Variants in PTPRB observed in about 807,000 individuals in gnomAD.
PTPRB encodes the protein receptor-type tyrosine-protein phosphatase beta.
In PTPRB, 97 loss-of-function variants were observed where a neutral mutation model predicts 238.1. That is an observed-to-expected ratio of 0.41 (90% CI 0.35 to 0.48). The LOEUF (loss-of-function observed/expected upper bound fraction) is 0.48, where lower values mean the gene tolerates loss of function less well. PTPRB is among the 20% of genes least tolerant of loss of function. The probability of loss-of-function intolerance (pLI) is 0.30; values close to 1 mark genes in which losing one functional copy is unlikely to be tolerated. For missense variants in PTPRB, 2,292 were observed against 2,681.9 expected (o/e 0.85, Z 3.21); for synonymous variants, 970 against 995.4 (o/e 0.97, Z 0.48).
chr12:70,546,666 TAAGG>T (rs1290076606), intron 21 of PTPRB, among the ~76,000 whole-genome samples: 3 of 152,208 alleles, frequency 2.0e-5, no homozygotes, highest in Admixed American at 6.5e-5. Flanking sequence ...GCTGAATTTA[TAAGG>T]AAGGAGGAGT....
chr12:70,580,464 C>A (rs1019866153), intron 10 of PTPRB, among the ~76,000 whole-genome samples: 2 of 152,150 alleles, frequency 1.3e-5, no homozygotes, highest in African/African-American at 4.8e-5. Context: ...CAAAGGAAAT[C>A]AACTGAATAG....
At chr12:70,613,483 C>T (rs1439474483) in intron 3 of PTPRB, among the ~76,000 whole-genome samples, 3 of 152,022 alleles carry the variant, frequency 2.0e-5, no homozygotes, top group African/African-American at 7.2e-5. Context: ...AGCCACTCCT[C>T]CCCAGGCTCT....
intron 6 of PTPRB, among the ~76,000 whole-genome samples, chr12:70,593,836 A>G (rs765722343): frequency 5.3e-5 from 8 of 152,206 alleles, no homozygotes; most frequent in Non-Finnish European, 1.2e-4. Context: ...TGCTAGAAGC[A>G]TTAGATTCTA....
intron 15 of PTPRB, among the ~76,000 whole-genome samples, chr12:70,565,452 G>A (rs1879167276): frequency 6.6e-6 from 1 of 152,150 alleles, no homozygotes; most frequent in South Asian, 2.1e-4. Context: ...TCTCCATAAG[G>A]AGAATTTCTT....
intron 32 of PTPRB, among the ~76,000 whole-genome samples, chr12:70,527,152 T>C (rs1256141768): frequency 6.6e-6 from 1 of 152,210 alleles, no homozygotes; most frequent in Non-Finnish European, 1.5e-5. Flanking sequence ...ATATTATTTA[T>C]AGTATTACAG....
In PTPRB at chr12:70,544,642, T is replaced by C; in HGVS notation, c.5409A>G (p.Thr1803=). 1 of 1,586,498 alleles carries C rather than the reference T, an allele frequency of 6.3e-7. No homozygotes were observed. Among genetic ancestry groups the C allele is most frequent in the Non-Finnish European group, 8.5e-7 (1 of 1,171,640 alleles). Residue 1803 remains threonine (T), a synonymous_variant, in exon 22 of 34, where the codon ACA becomes ACG. Transcript: ENST00000334414. ...CCTTCAGGTCCTCATCAAAGAGCTG[T>C]GTAAAAGCTCGAATGCTGATTCTGA... ...TAYRISIRAF[T]QLFDEDLKEF... is the part of the protein sequence containing the mutation.
Position 70,571,098 on chromosome 12 carries a change from G to T in PTPRB, c.3298C>A (p.Arg1100Ser). 6.2e-7 allele frequency: 1 copy of T among 1,613,916 alleles called. No individual in the cohort carries two copies. Among genetic ancestry groups the T allele is most frequent in the Admixed American group, 1.7e-5 (1 of 60,026 alleles). Reference sequence around the variant, plus strand: ...GTCAAGACAAGAATTTTGTATTGGCGGCCTGGTGTTAGGGAAGTAAATCGA... The same window carrying T: ...GTCAAGACAAGAATTTTGTATTGGCTGCCTGGTGTTAGGGAAGTAAATCGA... The part of the protein sequence containing the change: ...EYRFTSLTPG[R>S]QYKILVLTIS... The change falls in exon 13 of 34, where the codon CGC becomes AGC. Residue 1100 changes from arginine (R) to serine (S), a missense_variant. Transcript: ENST00000334414.
At chr12:70,587,965 G>A (rs531432364) in intron 8 of PTPRB, among the ~76,000 whole-genome samples, 135 of 151,562 alleles carry the variant, frequency 8.9e-4, no homozygotes, top group Middle Eastern at 3.4e-3. Flanking sequence ...GCCGGGCGTG[G>A]TGGCTCACAT....
intron 4 of PTPRB, among the ~76,000 whole-genome samples, chr12:70,603,285 C>A (rs1022336716): frequency 1.3e-5 from 2 of 152,064 alleles, no homozygotes; most frequent in African/African-American, 4.8e-5. Context: ...GAAGTCATCA[C>A]CAAAAGTTCA....
At chr12:70,608,889 G>A in intron 4 of PTPRB, 180 bp downstream of exon 4, 1 of 888,554 alleles carries the variant, frequency 1.1e-6, no homozygotes, top group Non-Finnish European at 1.7e-6. Flanking sequence ...GTCTCTGAAA[G>A]TCCACCAAGC....
Position 70,540,013 on chromosome 12 carries a change from T to G in PTPRB, c.5604A>C (p.Arg1868=). ...TGCTCAGACGGGCAGAGGGTCTTTC[T>G]CGACCATGGCTGAAACATAAGGGAG... is the stretch of plus-strand genomic sequence containing the variant. ...LICRQKVSHG[R]ERPSARLSIR... Residue 1868 remains arginine, a synonymous_variant, in exon 24 of 34, where the codon CGA becomes CGC. Transcript: ENST00000334414. 6.2e-7 allele frequency: 1 copy of G among 1,607,548 alleles called. No individual in the cohort carries two copies. Among genetic ancestry groups the G allele is most frequent in the Non-Finnish European group, 8.5e-7 (1 of 1,174,172 alleles).
intron 27 of PTPRB, 108 bp from the exon 28 acceptor site, chr12:70,538,339 T>C: frequency 1.1e-6 from 1 of 870,888 alleles, no homozygotes; most frequent in Non-Finnish European, 1.8e-6. Context: ...AGATGGGAAG[T>C]GATCTTATCT....
At chr12:70,524,969 A>ATGTG (rs758133613) in intron 32 of PTPRB, among the ~76,000 whole-genome samples, 2 of 131,036 alleles carry the variant, frequency 1.5e-5, no homozygotes, top group African/African-American at 6.2e-5. Flanking sequence ...GTATGTGTAT[A>ATGTG]TATGTGTGTG....
intron 21 of PTPRB, among the ~76,000 whole-genome samples, chr12:70,548,233 C>T (rs1193643218): frequency 6.6e-6 from 1 of 151,964 alleles, no homozygotes; most frequent in Non-Finnish European, 1.5e-5. Flanking sequence ...GAGGCTGAGG[C>T]ATGAGAATTG....
chr12:70,524,777 G>A (rs1439825850), intron 32 of PTPRB, among the ~76,000 whole-genome samples, 186 bp from the exon 33 acceptor site: 2 of 152,030 alleles, frequency 1.3e-5, no homozygotes, highest in Non-Finnish European at 2.9e-5. Flanking sequence ...GAGAACAATG[G>A]TAATGGGCAG....
chr12:70,557,984 GAA>G (rs1877952796), intron 18 of PTPRB, among the ~76,000 whole-genome samples: 1 of 152,204 alleles, frequency 6.6e-6, no homozygotes, highest in Non-Finnish European at 1.5e-5. Flanking sequence ...TGTCAGGGTT[GAA>G]GATAGCAAGT....
chr12:70,521,172 G>C lies in PTPRB; in HGVS notation c.*317C>G. Reference sequence around the variant, plus strand: ...CACCACCTCCATATGCATTTTACCAGTAGTCCTGTCATACAGGTTGAATTA... The same window carrying C: ...CACCACCTCCATATGCATTTTACCACTAGTCCTGTCATACAGGTTGAATTA... On this transcript the variant is annotated 3_prime_UTR_variant, in exon 34 of 34. Transcript: ENST00000334414. 1 of 227,168 alleles carries C rather than the reference G, an allele frequency of 4.4e-6. No homozygotes were observed. The highest frequency in any genetic ancestry group is 8.5e-6 in the Non-Finnish European group (1 of 117,418). 14.1% of individuals were successfully genotyped at this position (227,168 alleles called of 1,614,324 possible). A position where few individuals can be genotyped will look rare whatever the true frequency, so the allele number is the denominator to read the frequency against.
At position 70,581,240 on chromosome 12, in the gene PTPRB, T is replaced by G. The variant is rs765013979; in HGVS notation, c.2374A>C (p.Asn792His). The stretch of plus-strand genomic sequence containing the variant: ...ACGTCTCCTTGTGCCTGGGTCCAGT[T>G]AGTAAACAGACTACTGGTCATTCCT... ...NQGMTSSLFTNWTQAQGDVEF... is the reference protein window; with the variant it reads ...NQGMTSSLFTHWTQAQGDVEF... Residue 792 changes from asparagine to histidine, a missense_variant, in exon 10 of 34, where the codon AAC (asparagine) becomes CAC (histidine). Asn to His is a moderately conservative substitution (Grantham distance 68). Transcript: ENST00000334414. 28 of 1,613,940 alleles carry G rather than the reference T, an allele frequency of 1.7e-5. No homozygotes were observed. The South Asian group carries it at 3.0e-4, about 17-fold the overall frequency.
At chr12:70,611,332 A>T (rs1592591243) in intron 3 of PTPRB, among the ~76,000 whole-genome samples, 2 of 152,234 alleles carry the variant, frequency 1.3e-5, no homozygotes, top group Non-Finnish European at 2.9e-5. Flanking sequence ...TCTGTCACCC[A>T]GGTTGGAGTA....
Sources: gnomAD v4.1 joint callset for allele counts (sites outside exome capture counted in the v4.1 genomes callset) on GRCh38, gnomAD v4.1.1 for gene constraint, MANE v1.5 for transcripts, NCBI Gene and HGNC (gene_info 2026-07-23, HGNC 2026-07-21) for gene names.